PTPRN2: variants seen among roughly 807,000 people sequenced by gnomAD.
The protein encoded by PTPRN2 is receptor-type tyrosine-protein phosphatase N2.
In PTPRN2, 74 loss-of-function variants were observed where a neutral mutation model predicts 118.8. That is an observed-to-expected ratio of 0.62 (90% CI 0.52 to 0.76). The LOEUF is 0.76. Among genes scored for constraint, PTPRN2 ranks in the 30% least tolerant of loss-of-function variants. The pLI is 0.00. For missense variants in PTPRN2, 1,481 were observed against 1,394.4 expected, an observed-to-expected ratio of 1.06 and a Z score of -0.99; for synonymous variants, 641 against 608.0, an observed-to-expected ratio of 1.05 and a Z score of -0.80.
chr7:158,383,469 C>G (rs1811113241), intron 2 of PTPRN2, among the ~76,000 whole-genome samples: 1 of 152,186 alleles, frequency 6.6e-6, no homozygotes, highest in Non-Finnish European at 1.5e-5. Context: ...CCCTTTGTGG[C>G]TGCCAGTTTA....
chr7:157,582,556 T>C (rs1800452597), intron 17 of PTPRN2, among the ~76,000 whole-genome samples: 1 of 151,718 alleles, frequency 6.6e-6, no homozygotes, highest in Admixed American at 6.6e-5. Context: ...ACGGTAGCAA[T>C]GTGAGTGAGG....
intron 5 of PTPRN2, among the ~76,000 whole-genome samples, chr7:158,176,640 GA>G (rs1268214268): frequency 6.6e-6 from 1 of 152,162 alleles, no homozygotes; most frequent in Non-Finnish European, 1.5e-5. Context: ...TGTCTGGGAG[GA>G]AACCAGGGGA....
At chr7:158,073,394 C>T (rs1053266163) in intron 11 of PTPRN2, among the ~76,000 whole-genome samples, 3 of 152,174 alleles carry the variant, frequency 2.0e-5, no homozygotes, top group African/African-American at 4.8e-5. Flanking sequence ...TGGGCCCATG[C>T]GTTGGCTTCA....
intron 21 of PTPRN2, among the ~76,000 whole-genome samples, chr7:157,558,798 C>T (rs946875524): frequency 3.3e-5 from 5 of 152,174 alleles, no homozygotes; most frequent in African/African-American, 9.7e-5. Context: ...CCTGTAGGGC[C>T]GGCAGCTGCC....
intron 17 of PTPRN2, among the ~76,000 whole-genome samples, chr7:157,579,081 C>T (rs1447523503): frequency 6.6e-6 from 1 of 152,212 alleles, no homozygotes; most frequent in Non-Finnish European, 1.5e-5. Flanking sequence ...TAAAAACCCT[C>T]ATATCCCAAA....
intron 2 of PTPRN2, among the ~76,000 whole-genome samples, chr7:158,324,272 G>A (rs964659774): frequency 1.3e-5 from 2 of 152,154 alleles, no homozygotes; most frequent in Non-Finnish European, 2.9e-5. Context: ...GCCTCTTCAC[G>A]CCCCCACAGC....
intron 12 of PTPRN2, among the ~76,000 whole-genome samples, chr7:157,882,804 A>G (rs1009142793): frequency 6.6e-6 from 1 of 151,566 alleles, no homozygotes; most frequent in Non-Finnish European, 1.5e-5. Flanking sequence ...ATCAGAGACC[A>G]GAACACACCA....
chr7:157,551,424 C>T (rs1798591207), intron 21 of PTPRN2, among the ~76,000 whole-genome samples: 1 of 151,990 alleles, frequency 6.6e-6, no homozygotes, highest in Non-Finnish European at 1.5e-5. Flanking sequence ...TAAACACAGA[C>T]CCCAGCTGGG....
chr7:157,771,804 AACAC>A (rs1355719564), intron 12 of PTPRN2, among the ~76,000 whole-genome samples: 3 of 136,908 alleles, frequency 2.2e-5, no homozygotes, highest in South Asian at 4.6e-4. Flanking sequence ...CACAGACACA[AACAC>A]ACAGACACAG....
At chr7:158,146,283 T>C (rs969590250) in intron 6 of PTPRN2, among the ~76,000 whole-genome samples, 5 of 152,102 alleles carry the variant, frequency 3.3e-5, no homozygotes. Context: ...ACCAAAATGT[T>C]AACCTATATT....
At chr7:158,341,101 G>T (rs1806667279) in intron 2 of PTPRN2, among the ~76,000 whole-genome samples, 2 of 21,568 alleles carry the variant, frequency 9.3e-5, no homozygotes, top group African/African-American at 2.7e-4. Flanking sequence ...GACACCTGCA[G>T]ACGTCACTCA....
rs113288982 is a variant in PTPRN2, at chr7:157,547,578, G to A, written c.2976+1368C>T. Among the ~76,000 whole-genome samples the A allele has an allele frequency of 3.2e-3, 479 of 152,046 alleles. 2 individuals carry two copies. The highest frequency in any genetic ancestry group is 0.011 in the African/African-American group (456 of 41,478). Reference sequence around the variant, plus strand: ...TGTCACCTCCTCTCTCGACAGCCTCGCAACACATGCCGAATGCTGTTGTGA... The same window carrying A: ...TGTCACCTCCTCTCTCGACAGCCTCACAACACATGCCGAATGCTGTTGTGA... On this transcript the variant is annotated intron_variant, in intron 22 of 22. Transcript: ENST00000389418.
chr7:157,589,797 T>A (rs1800881707), intron 17 of PTPRN2, among the ~76,000 whole-genome samples: 1 of 152,246 alleles, frequency 6.6e-6, no homozygotes, highest in African/African-American at 2.4e-5. Flanking sequence ...ATTAGGATTT[T>A]AAAAAGAAAG....
At chr7:157,848,530 G>T (rs1414249935) in intron 12 of PTPRN2, among the ~76,000 whole-genome samples, 3 of 152,258 alleles carry the variant, frequency 2.0e-5, no homozygotes, top group Non-Finnish European at 4.4e-5. Context: ...TATTTACGGA[G>T]CCCTCTCTCA....
At chr7:158,130,891 AC>A (rs796649731) in intron 9 of PTPRN2, among the ~76,000 whole-genome samples, 5 of 138,888 alleles carry the variant, frequency 3.6e-5, no homozygotes, top group Admixed American at 2.2e-4. Context: ...ATACGCACAA[AC>A]CGATACACAT....
chr7:157,684,740 C>G (rs1287990968), intron 12 of PTPRN2, among the ~76,000 whole-genome samples: 1 of 152,024 alleles, frequency 6.6e-6, no homozygotes, highest in Non-Finnish European at 1.5e-5. Context: ...GGGCACAGCC[C>G]GTTCACGAAA....
intron 2 of PTPRN2, among the ~76,000 whole-genome samples, chr7:158,341,618 C>G (rs1806821568): frequency 2.3e-5 from 2 of 87,008 alleles, no homozygotes; most frequent in South Asian, 5.2e-4. Flanking sequence ...CACCCACACT[C>G]TCACCATAAG....
At chr7:158,125,963 C>G (rs1266457247) in intron 9 of PTPRN2, among the ~76,000 whole-genome samples, 2 of 152,210 alleles carry the variant, frequency 1.3e-5, no homozygotes, top group African/African-American at 4.8e-5. Flanking sequence ...AGCGGTGAGG[C>G]CTCCTGGGCA....
chr7:157,847,949 C>T (rs1179551684), intron 12 of PTPRN2, among the ~76,000 whole-genome samples: 1 of 151,364 alleles, frequency 6.6e-6, no homozygotes, highest in Non-Finnish European at 1.5e-5. Flanking sequence ...AGCCCTCTCT[C>T]ACTCCATCAT....
Sources: gnomAD v4.1 joint callset for allele counts (sites outside exome capture counted in the v4.1 genomes callset) on GRCh38, gnomAD v4.1.1 for gene constraint, MANE v1.5 for transcripts, NCBI Gene and HGNC (gene_info 2026-07-23, HGNC 2026-07-21) for gene names.